FGF13: variants seen among roughly 807,000 people sequenced by gnomAD.
The protein encoded by FGF13 is fibroblast growth factor 13.
In FGF13, 2 loss-of-function variants were observed where a neutral mutation model predicts 19.5. That is an observed-to-expected ratio of 0.10 (90% CI 0.04 to 0.32). FGF13 has a LOEUF of 0.32. Among genes scored for constraint, FGF13 ranks in the 10% least tolerant of loss-of-function variants. The probability of loss-of-function intolerance (pLI) is 1.00; values close to 1 mark genes in which losing one functional copy is unlikely to be tolerated. For synonymous variants in FGF13, 72 were observed against 76.9 expected (o/e 0.94, Z 0.33); for missense variants, 113 against 192.7 (o/e 0.59, Z 2.45).
intron 3 of FGF13, among the ~76,000 whole-genome samples, chrX:138,829,725 AT>A (rs752926625): frequency 1.8e-3 from 191 of 106,930 alleles, no homozygotes; most frequent in African/African-American, 5.6e-3. Flanking sequence ...CTTCTATTCT[AT>A]TTTTTTTTTA....
chrX:138,739,331 A>G, exon 1 of FGF13: 1 of 1,163,545 alleles, frequency 8.6e-7, no homozygotes, highest in Non-Finnish European at 1.2e-6. Flanking sequence ...AGACACAGAG[A>G]GAGAGGAGAT....
At chrX:138,877,081 C>T (rs958156932) in intron 1 of FGF13, among the ~76,000 whole-genome samples, 6 of 111,054 alleles carry the variant, frequency 5.4e-5, no homozygotes, top group Non-Finnish European at 1.1e-4. Context: ...ACATGGACAC[C>T]AGGTGGGGAA....
At chrX:138,728,633 G>A (rs1329509114) in intron 1 of FGF13, among the ~76,000 whole-genome samples, 1 of 110,587 alleles carries the variant, frequency 9.0e-6, no homozygotes, top group African/African-American at 3.3e-5. Context: ...TATTGGGAGA[G>A]GGGAAGGAGG....
intron 1 of FGF13, among the ~76,000 whole-genome samples, chrX:139,086,211 A>T (rs1365146651): frequency 8.9e-6 from 1 of 111,931 alleles, no homozygotes; most frequent in African/African-American, 3.2e-5. Context: ...AAAGTAGCCA[A>T]AACTTGGTTT....
upstream of FGF13, among the ~76,000 whole-genome samples, chrX:138,741,193 C>T (rs1443739638): frequency 8.9e-6 from 1 of 112,015 alleles, no homozygotes; most frequent in Non-Finnish European, 1.9e-5. Context: ...CTTAAAAAGG[C>T]ATTTCTCAAG....
chrX:138,982,948 T>A (rs1162892008), intron 1 of FGF13, among the ~76,000 whole-genome samples: 1 of 112,527 alleles, frequency 8.9e-6, no homozygotes, highest in East Asian at 2.8e-4. Context: ...AATTTACCAA[T>A]TTTTAAATGG....
chrX:138,850,042 T>C, intron 3 of FGF13, among the ~76,000 whole-genome samples: 1 of 111,026 alleles, frequency 9.0e-6, no homozygotes, highest in East Asian at 2.9e-4. Context: ...GAGAAACAAC[T>C]TTGTCTCAAG....
intron 1 of FGF13, among the ~76,000 whole-genome samples, chrX:139,114,776 C>T (rs1315054262): frequency 9.0e-6 from 1 of 111,612 alleles, no homozygotes; most frequent in African/African-American, 3.3e-5. Context: ...TATTTCTTGT[C>T]TGTCTGCCTC....
chrX:138,946,531 A>G (rs2091782547), intron 1 of FGF13, among the ~76,000 whole-genome samples: 1 of 112,080 alleles, frequency 8.9e-6, no homozygotes, highest in Non-Finnish European at 1.9e-5. Context: ...GCCTCCATTT[A>G]ACCTCTTTGA....
chrX:138,773,954 C>A (rs1032529314), intron 3 of FGF13, among the ~76,000 whole-genome samples: 1 of 111,241 alleles, frequency 9.0e-6, no homozygotes, highest in African/African-American at 3.3e-5. Context: ...TAATCTAAGT[C>A]TTGGCTTATC....
chrX:138,998,670 C>T (rs1470214460), intron 1 of FGF13, among the ~76,000 whole-genome samples: 1 of 111,631 alleles, frequency 9.0e-6, no homozygotes, highest in Non-Finnish European at 1.9e-5. Context: ...TACAGGAACA[C>T]CCAGATTCAT....
At chrX:138,867,964 C>A (rs987418656) in intron 1 of FGF13, among the ~76,000 whole-genome samples, 2 of 111,518 alleles carry the variant, frequency 1.8e-5, no homozygotes, top group African/African-American at 6.5e-5. Flanking sequence ...AGGCCTCACA[C>A]GAACTTCACT....
At chrX:139,066,853 C>T (rs1325465015) in intron 1 of FGF13, among the ~76,000 whole-genome samples, 1 of 111,079 alleles carries the variant, frequency 9.0e-6, no homozygotes, top group Non-Finnish European at 1.9e-5. Flanking sequence ...GGCCAATATC[C>T]CTGATGAACA....
At chrX:138,817,331 AAG>A (rs1286296177) in intron 3 of FGF13, among the ~76,000 whole-genome samples, 2 of 111,629 alleles carry the variant, frequency 1.8e-5, no homozygotes, top group African/African-American at 6.5e-5. Context: ...TTATTTCCTG[AAG>A]AGTTTCCTAT....
intron 3 of FGF13, among the ~76,000 whole-genome samples, chrX:138,815,161 T>A (rs746726330): frequency 9.1e-6 from 1 of 109,633 alleles, no homozygotes; most frequent in South Asian, 4.0e-4. Flanking sequence ...AAGCAGAGAG[T>A]AGAATGCTGG....
intron 1 of FGF13, among the ~76,000 whole-genome samples, chrX:139,108,927 G>A (rs2083581328): frequency 9.5e-6 from 1 of 105,621 alleles, no homozygotes; most frequent in South Asian, 4.5e-4. Flanking sequence ...TTATAAGTGA[G>A]CACATGCGAT....
intron 3 of FGF13, among the ~76,000 whole-genome samples, chrX:138,748,061 C>A (rs1043432197): frequency 9.0e-6 from 1 of 111,413 alleles, no homozygotes; most frequent in African/African-American, 3.3e-5. Context: ...CTAGTCCCTG[C>A]ACTGCTCCAG....
chrX:138,857,329 C>T (rs1025222635), downstream of FGF13, among the ~76,000 whole-genome samples: 3 of 111,408 alleles, frequency 2.7e-5, no homozygotes, highest in African/African-American at 9.8e-5. Flanking sequence ...CAGAGATGAC[C>T]ATATTATACA....
In FGF13 at chrX:138,618,870, A is replaced by G. The variant is rs1188736256; in HGVS notation, c.*13980T>C. On this transcript the variant is annotated 3_prime_UTR_variant, in exon 5 of 5. Transcript: ENST00000315930. ...AAATTTCTCAAAAAGAGCTTGAGTG[A>G]CACATCTACAGAAAAGATGTGCAAG... The G allele has an allele frequency of 5.4e-5, 6 of 111,908 alleles. No homozygotes were observed. Among genetic ancestry groups the G allele is most frequent in the African/African-American group, 1.9e-4 (6 of 30,773 alleles). 9.2% of individuals were successfully genotyped at this position (111,908 alleles called of 1,213,427 possible).
Sources: gnomAD v4.1 joint callset for allele counts (sites outside exome capture counted in the v4.1 genomes callset) on GRCh38, gnomAD v4.1.1 for gene constraint, MANE v1.5 for transcripts, NCBI Gene and HGNC (gene_info 2026-07-23, HGNC 2026-07-21) for gene names.